KLRG1: variants seen among roughly 807,000 people sequenced by gnomAD.
The protein encoded by KLRG1 is killer cell lectin like receptor G1, also known as killer cell lectin-like receptor subfamily G member 1.
A neutral mutation model predicts 21.8 loss-of-function variants in KLRG1; 16 were observed. That is an observed-to-expected ratio of 0.73 (90% CI 0.50 to 1.11). The LOEUF is 1.11. Among genes scored for constraint, KLRG1 ranks in the 50% most tolerant of loss-of-function variants. KLRG1 has a pLI of 0.00. For synonymous variants in KLRG1, 69 were observed against 75.9 expected (o/e 0.91, Z 0.47); for missense variants, 173 against 218.3 (o/e 0.79, Z 1.31).
chr12:9,203,764 T>G, the KLRG1 span: 3 of 1,613,990 alleles, frequency 1.9e-6, no homozygotes, highest in Non-Finnish European at 2.5e-6. Context: ...ACCGTAGCAC[T>G]CACAGTGAAG....
the KLRG1 span, chr12:9,196,802 G>T: frequency 1.1e-6 from 1 of 877,850 alleles, no homozygotes; most frequent in Non-Finnish European, 1.8e-6. Flanking sequence ...TAAGTTAATT[G>T]ACCTTCGAGA....
At chr12:9,110,600 G>GATA in the KLRG1 span, among the ~76,000 whole-genome samples, 1 of 151,456 alleles carries the variant, frequency 6.6e-6, no homozygotes. Flanking sequence ...TAATGATATG[G>GATA]ATAATGATAA....
the KLRG1 span, among the ~76,000 whole-genome samples, chr12:9,084,505 C>A: frequency 1.3e-5 from 2 of 151,774 alleles, no homozygotes; most frequent in Non-Finnish European, 2.9e-5. Context: ...GACTGTAAAC[C>A]CCATAGTAAC....
the KLRG1 span, chr12:9,090,382 GAC>G: frequency 6.2e-7 from 1 of 1,614,012 alleles, no homozygotes; most frequent in Non-Finnish European, 8.5e-7. Context: ...TACTGCCCAG[GAC>G]ACAGTTTGCC....
At chr12:9,101,812 G>A in the KLRG1 span, 2 of 711,960 alleles carry the variant, frequency 2.8e-6, no homozygotes, top group Non-Finnish European at 2.3e-6. Context: ...AGTGGGAGAA[G>A]GACCCCTGAT....
At chr12:8,978,045 A>G (rs1046517712) in intron 1 of KLRG1, among the ~76,000 whole-genome samples, 1 of 152,074 alleles carries the variant, frequency 6.6e-6, no homozygotes, top group Non-Finnish European at 1.5e-5. Flanking sequence ...TAAGAGTTTC[A>G]TTCTTTTCAT....
chr12:9,132,645 G>GC, the KLRG1 span, among the ~76,000 whole-genome samples: 1 of 151,286 alleles, frequency 6.6e-6, no homozygotes, highest in Non-Finnish European at 1.5e-5. Context: ...GAAAATGAGG[G>GC]CCCAAAGTAA....
At chr12:9,185,809 C>A in the KLRG1 span, among the ~76,000 whole-genome samples, 1 of 149,472 alleles carries the variant, frequency 6.7e-6, no homozygotes, top group Non-Finnish European at 1.5e-5. Context: ...CTTTTCTTTT[C>A]TTTTCTTTTT....
the KLRG1 span, among the ~76,000 whole-genome samples, chr12:9,023,632 A>G: frequency 6.7e-6 from 1 of 148,656 alleles, no homozygotes; most frequent in African/African-American, 2.5e-5. Context: ...ATCATAGTTC[A>G]CTGTAGTCTT....
At chr12:9,009,107 G>A in intron 4 of KLRG1, 32 bp downstream of exon 4, 2 of 1,545,042 alleles carry the variant, frequency 1.3e-6, no homozygotes, top group Non-Finnish European at 1.8e-6. Context: ...CAAAAAAAGA[G>A]AGAGAGGAAA....
the KLRG1 span, chr12:9,154,648 G>A: frequency 1.9e-6 from 3 of 1,614,198 alleles, no homozygotes; most frequent in Non-Finnish European, 2.5e-6. Context: ...TGGGCGTTCT[G>A]CTGCTTCATG....
chr12:9,104,900 C>A, the KLRG1 span, among the ~76,000 whole-genome samples: 3 of 152,136 alleles, frequency 2.0e-5, no homozygotes, highest in Non-Finnish European at 4.4e-5. Flanking sequence ...CATAAGTGCA[C>A]AAGTAAACAA....
the KLRG1 span, chr12:9,196,997 A>AT: frequency 6.5e-7 from 1 of 1,536,500 alleles, no homozygotes; most frequent in Non-Finnish European, 9.0e-7. Flanking sequence ...CTGAGGGAGA[A>AT]TACCGCCTAC....
chr12:9,137,804 AT>A, the KLRG1 span, among the ~76,000 whole-genome samples: 2 of 151,814 alleles, frequency 1.3e-5, no homozygotes, highest in Non-Finnish European at 2.9e-5. Flanking sequence ...TGTTGTCTTA[AT>A]TTCCTTTTCA....
At chr12:9,031,555 T>C in the KLRG1 span, among the ~76,000 whole-genome samples, 1 of 152,298 alleles carries the variant, frequency 6.6e-6, no homozygotes, top group Non-Finnish European at 1.5e-5. Context: ...GGCACCAAAA[T>C]ATTGTCAACA....
At chr12:9,157,463 G>T in the KLRG1 span, 1 of 1,033,432 alleles carries the variant, frequency 9.7e-7, no homozygotes, top group Non-Finnish European at 1.4e-6. Context: ...CAGACAGATA[G>T]GCAGACAGCT....
chr12:9,028,145 TCTTC>T, the KLRG1 span: 1 of 597,004 alleles, frequency 1.7e-6, no homozygotes, highest in Non-Finnish European at 2.7e-6. Context: ...GTCGTCGTCT[TCTTC>T]TTTTTTTTTT....
chr12:9,053,165 G>A, the KLRG1 span, among the ~76,000 whole-genome samples: 8 of 152,110 alleles, frequency 5.3e-5, no homozygotes, highest in African/African-American at 1.7e-4. Context: ...CATCTAAATG[G>A]TCCTAGTCTG....
chr12:9,182,008 T>G, the KLRG1 span: 1 of 1,613,918 alleles, frequency 6.2e-7, no homozygotes, highest in Non-Finnish European at 8.5e-7. Context: ...TCTCAAATTT[T>G]TCAGAGTCTC....
Sources: gnomAD v4.1 joint callset for allele counts (sites outside exome capture counted in the v4.1 genomes callset) on GRCh38, gnomAD v4.1.1 for gene constraint, MANE v1.5 for transcripts, NCBI Gene and HGNC (gene_info 2026-07-23, HGNC 2026-07-21) for gene names.